The following ADAM20 variants were observed in gnomAD, a reference collection of about 807,000 sequenced individuals.
ADAM20 encodes the protein ADAM metallopeptidase domain 20.
For synonymous variants in ADAM20, 305 were observed against 310.2 expected, an observed-to-expected ratio of 0.98 and a Z score of 0.18; for missense variants, 871 against 883.2, an observed-to-expected ratio of 0.99 and a Z score of 0.18.
In ADAM20 at chr14:70,524,187, T is replaced by G. The variant is rs145480670; in HGVS notation, c.571A>C (p.Asn191His). 2 of 1,613,752 alleles carry G rather than the reference T, an allele frequency of 1.2e-6. No individual in the cohort carries two copies. Among genetic ancestry groups the G allele is most frequent in the African/African-American group, 2.7e-5 (2 of 74,910 alleles). ...AAAGAACTTTGCTTCAGAGTGAAAT[T>G]ATATGACAATTGCAACTCCATCTGG... ...AHQMELQLSY[N>H]FTLKQSSFVG... The change falls in exon 2 of 2, where the codon AAT becomes CAT. Residue 191 changes from asparagine to histidine, a missense_variant. Coordinates refer to ENST00000256389, the MANE Select transcript of ADAM20 (RefSeq NM_003814.5).
At chr14:70,568,051 G>A in the ADAM20 span, among the ~76,000 whole-genome samples, 1 of 152,110 alleles carries the variant, frequency 6.6e-6, no homozygotes, top group Non-Finnish European at 1.5e-5. Flanking sequence ...CTACTCTTAA[G>A]TGTCATCTCC....
At chr14:70,531,167 G>T (rs926344622) in intron 1 of ADAM20, among the ~76,000 whole-genome samples, 6 of 151,950 alleles carry the variant, frequency 3.9e-5, no homozygotes, top group Non-Finnish European at 8.8e-5. Context: ...AAATAAAAAG[G>T]TCTAAAAGAA....
Position 70,524,475 on chromosome 14 carries a change from G to T in ADAM20, c.283C>A (p.Gln95Lys), listed in dbSNP as rs1326383000. ...AHLPVFTYTE[Q>K]HALLQDQPFI... is the part of the protein sequence containing the mutation. Reference sequence around the variant, plus strand: ...GGCTGATCCTGGAGCAGGGCATGCTGCTCTGTGTAGGTGAACACAGGAAGG... The same window carrying T: ...GGCTGATCCTGGAGCAGGGCATGCTTCTCTGTGTAGGTGAACACAGGAAGG... The change falls in exon 2 of 2, where the codon CAG becomes AAG. Residue 95 changes from glutamine (Q) to lysine (K), a missense_variant. Coordinates refer to ENST00000256389, the MANE Select transcript of ADAM20 (RefSeq NM_003814.5). 1 of 1,614,028 alleles carries T rather than the reference G, an allele frequency of 6.2e-7. No individual in the cohort carries two copies. Among genetic ancestry groups the T allele is most frequent in the Non-Finnish European group, 8.5e-7 (1 of 1,179,946 alleles).
chr14:70,566,670 T>C, the ADAM20 span, among the ~76,000 whole-genome samples: 2 of 152,070 alleles, frequency 1.3e-5, no homozygotes, highest in Non-Finnish European at 2.9e-5. Context: ...CAGAGAAACC[T>C]GGAATCCTGC....
chr14:70,523,099 T>C lies in ADAM20; in HGVS notation c.1659A>G (p.Lys553=). 6.2e-7 allele frequency: 1 copy of C among 1,613,970 alleles called. No individual in the cohort carries two copies. Among genetic ancestry groups the C allele is most frequent in the Non-Finnish European group, 8.5e-7 (1 of 1,179,954 alleles). The change falls in exon 2 of 2, where the codon AAA becomes AAG. Residue 553 remains lysine (K), a synonymous_variant. Transcript: ENST00000256389. ...CACACATGATATCAGGGGTCCAACATTTTACATATGTTGTGCCTACAATAC... is the reference window on the plus strand; with the variant it reads ...CACACATGATATCAGGGGTCCAACACTTTACATATGTTGTGCCTACAATAC... ...HCGIVGTTYV[K]CWTPDIMCGR...
the ADAM20 span, among the ~76,000 whole-genome samples, chr14:70,567,236 C>A: frequency 6.6e-6 from 1 of 152,166 alleles, no homozygotes; most frequent in African/African-American, 2.4e-5. Flanking sequence ...TAGGGTTTCT[C>A]CGCCCTTGAG....
the ADAM20 span, among the ~76,000 whole-genome samples, chr14:70,570,304 G>A: frequency 6.6e-6 from 1 of 151,968 alleles, no homozygotes; most frequent in East Asian, 1.9e-4. Flanking sequence ...ATGAAACTGA[G>A]ACCAAAACAA....
intron 1 of ADAM20, among the ~76,000 whole-genome samples, chr14:70,527,164 A>G (rs1165437780): frequency 6.6e-6 from 1 of 152,198 alleles, no homozygotes; most frequent in Admixed American, 6.5e-5. Flanking sequence ...AATGAAAATG[A>G]AAGATTTTGG....
chr14:70,570,263 G>GA, the ADAM20 span, among the ~76,000 whole-genome samples: 11 of 150,854 alleles, frequency 7.3e-5, no homozygotes, highest in Non-Finnish European at 1.3e-4. Flanking sequence ...AAAGGTATCA[G>GA]AAAAAAAAGA....
In ADAM20 at chr14:70,524,670, G is replaced by A. The variant is rs779513861; in HGVS notation, c.88C>T (p.Gln30Ter). 4.3e-6 allele frequency: 7 copies of A among 1,614,034 alleles called. No homozygotes were observed. In the South Asian group the frequency reaches 7.7e-5, roughly 18 times the overall value. The change falls in exon 2 of 2, where the codon CAG (glutamine) becomes TAG (stop). Residue 30 changes from glutamine (Q) to a stop codon, truncating the protein, a stop_gained. Coordinates refer to ENST00000256389, the MANE Select transcript of ADAM20 (RefSeq NM_003814.5). LOFTEE classifies it low-confidence loss of function (END_TRUNC). ...GTGAAATACTGGGAGGGCCTGGCCT[G>A]AGAGTGGCCAGAAATAGACAAAAAC... is the stretch of plus-strand genomic sequence containing the variant. ...GMFLSISGHS[Q>*]ARPSQYFTSP...
the ADAM20 span, among the ~76,000 whole-genome samples, chr14:70,569,878 AAACT>A: frequency 7.8e-6 from 1 of 128,824 alleles, no homozygotes; most frequent in East Asian, 2.7e-4. Flanking sequence ...CTGAGGCAGA[AAACT>A]AACAAAAAAA....
rs1174094005 is a variant in ADAM20 at position 70,533,089 on chromosome 14, G to T, written c.-177+1708C>A. 2.0e-5 allele frequency among the ~76,000 whole-genome samples: 3 copies of T among 152,122 alleles called. No individual in the cohort carries two copies. In the East Asian group the frequency reaches 5.8e-4, roughly 29 times the overall value. On this transcript the variant is annotated intron_variant, in intron 1 of 1. Transcript: ENST00000256389. ...CAGTTAGAATGGCAATTATTAAAAAGTCAGGAAATAACAGATGTTAGAGAG... is the reference window on the plus strand; with the variant it reads ...CAGTTAGAATGGCAATTATTAAAAATTCAGGAAATAACAGATGTTAGAGAG...
the ADAM20 span, among the ~76,000 whole-genome samples, chr14:70,576,312 T>C: frequency 6.6e-6 from 1 of 152,152 alleles, no homozygotes; most frequent in South Asian, 2.1e-4. Flanking sequence ...GACGTTCAAA[T>C]ATCACACACT....
chr14:70,570,829 T>C, the ADAM20 span, among the ~76,000 whole-genome samples: 372 of 152,218 alleles, frequency 2.4e-3, no homozygotes, highest in African/African-American at 5.9e-3. Context: ...CTGGTCAATA[T>C]ACTTTCTGAA....
At chr14:70,545,429 C>A in the ADAM20 span, among the ~76,000 whole-genome samples, 1 of 152,176 alleles carries the variant, frequency 6.6e-6, no homozygotes, top group African/African-American at 2.4e-5. Context: ...GCTCACCTGA[C>A]ACCTGCCCAA....
the ADAM20 span, among the ~76,000 whole-genome samples, chr14:70,567,643 G>C: frequency 6.6e-6 from 1 of 151,954 alleles, no homozygotes; most frequent in African/African-American, 2.4e-5. Flanking sequence ...GGGTTTACTC[G>C]AATGGCGGGG....
rs139798952 is a variant in ADAM20, at chr14:70,523,632, A to C, written c.1126T>G (p.Phe376Val). 1 of 1,614,056 alleles carries C rather than the reference A, an allele frequency of 6.2e-7. No homozygotes were observed. Residue 376 changes from phenylalanine (F) to valine (V), a missense_variant, in exon 2 of 2, where the codon TTT becomes GTT. Transcript: ENST00000256389. ...MHAYRKVTTKFSNCSYAQYWD... is the reference protein window; with the variant it reads ...MHAYRKVTTKVSNCSYAQYWD... ...TATTGGGCATAACTGCAGTTGCTAA[A>C]TTTAGTTGTCACCTTTCTATAGGCA...
chr14:70,522,915 C>T lies in ADAM20; in HGVS notation c.1843G>A (p.Gly615Ser), dbSNP rs1288864489. Residue 615 changes from glycine to serine, a missense_variant, in exon 2 of 2, where the codon GGT becomes AGT. Transcript: ENST00000256389. ...TTACGGATGCAGATCTTTTCTGGACCACATACTGTGCCATCTTTCACCTCA... is the reference window on the plus strand; with the variant it reads ...TTACGGATGCAGATCTTTTCTGGACTACATACTGTGCCATCTTTCACCTCA... ...IGEVKDGTVC[G>S]PEKICIRKKC... 1 of 1,613,930 alleles carries T rather than the reference C, an allele frequency of 6.2e-7. No homozygotes were observed. The highest frequency in any genetic ancestry group is 8.5e-7 in the Non-Finnish European group (1 of 1,179,958).
chr14:70,566,978 G>C, the ADAM20 span, among the ~76,000 whole-genome samples: 1 of 151,480 alleles, frequency 6.6e-6, no homozygotes, highest in Non-Finnish European at 1.5e-5. Flanking sequence ...GCGATACTCC[G>C]TTCAAAAAAA....
Sources: allele counts gnomAD v4.1 joint callset (sites outside exome capture counted in the v4.1 genomes callset), GRCh38; gene constraint gnomAD v4.1.1; transcripts MANE v1.5; gene names NCBI Gene and HGNC (gene_info 2026-07-23, HGNC 2026-07-21).